Variants in SAXO1 observed in about 807,000 individuals in gnomAD.
The protein encoded by SAXO1 is stabilizer of axonemal microtubules 1.
In SAXO1, 21 loss-of-function variants were observed where a neutral mutation model predicts 17.5. That is an observed-to-expected ratio of 1.20 (90% CI 0.85 to 1.72). The LOEUF (loss-of-function observed/expected upper bound fraction) is 1.72. SAXO1 is among the 40% of genes most tolerant of loss of function. The pLI is 0.00. For missense variants in SAXO1, 843 were observed against 596.0 expected (o/e 1.41, Z -4.32); for synonymous variants, 274 against 216.5 (o/e 1.27, Z -2.33).
At chr9:18,978,680 T>C (rs1392638647) in intron 1 of SAXO1, among the ~76,000 whole-genome samples, 4 of 152,232 alleles carry the variant, frequency 2.6e-5, no homozygotes, top group African/African-American at 4.8e-5. Flanking sequence ...ATGCCCACTG[T>C]GCACCAGGCA....
In SAXO1 at chr9:19,033,008, G is replaced by T. The variant is rs10963921; in HGVS notation, c.-100C>A. ...GTCTTGGGGCACGCCCAGGCTCGAG[G>T]GTCTTGGCAGGTGTTCTGTTTACTC... On this transcript the variant is annotated 5_prime_UTR_variant, in exon 1 of 4. Coordinates refer to ENST00000380534, the MANE Select transcript of SAXO1 (RefSeq NM_153707.4). The T allele has an allele frequency of 0.42, 529,684 of 1,256,766 alleles. 114,353 individuals are homozygous for T. Among genetic ancestry groups the T allele is most frequent in the African/African-American group, 0.65 (42,622 of 66,030 alleles). 77.9% of individuals were successfully genotyped at this position (1,256,766 alleles called of 1,614,324 possible). A position where few individuals can be genotyped will look rare whatever the true frequency, so the allele number is the denominator to read the frequency against.
intron 2 of SAXO1, among the ~76,000 whole-genome samples, chr9:18,944,376 G>T (rs1410596215): frequency 6.6e-6 from 1 of 152,088 alleles, no homozygotes; most frequent in Non-Finnish European, 1.5e-5. Context: ...GTCATTAACC[G>T]CAACATAACT....
chr9:19,016,378 G>C (rs998630305), intron 1 of SAXO1, among the ~76,000 whole-genome samples: 3 of 152,220 alleles, frequency 2.0e-5, no homozygotes, highest in Non-Finnish European at 2.9e-5. Context: ...GGAGGTTGTA[G>C]TGAGCCGAGA....
intron 1 of SAXO1, among the ~76,000 whole-genome samples, chr9:18,996,445 A>G (rs1203316703): frequency 6.6e-6 from 1 of 152,264 alleles, no homozygotes; most frequent in African/African-American, 2.4e-5. Context: ...GTAAGCCTGT[A>G]CAGCATGTGA....
At chr9:18,969,349 G>C (rs975994061) in intron 1 of SAXO1, among the ~76,000 whole-genome samples, 1 of 152,118 alleles carries the variant, frequency 6.6e-6, no homozygotes, top group African/African-American at 2.4e-5. Flanking sequence ...CTCTTGACTG[G>C]AGTTTCACTC....
chr9:19,038,186 G>A (rs1053931879), upstream of SAXO1, among the ~76,000 whole-genome samples: 1 of 152,198 alleles, frequency 6.6e-6, no homozygotes, highest in East Asian at 1.9e-4. Context: ...AACCATTGTG[G>A]AAGGCAGTGT....
intron 3 of SAXO1, among the ~76,000 whole-genome samples, chr9:18,938,269 A>G (rs1394595265): frequency 6.6e-6 from 1 of 152,236 alleles, no homozygotes; most frequent in East Asian, 1.9e-4. Context: ...GCACTGCTAT[A>G]AAGAAATGCC....
At chr9:19,036,344 T>A (rs897218088), upstream of SAXO1, among the ~76,000 whole-genome samples, 2 of 151,874 alleles carry the variant, frequency 1.3e-5, no homozygotes, top group East Asian at 3.9e-4. Context: ...GAAATTTGCA[T>A]AAGTGACAAG....
At chr9:19,020,857 G>C (rs1401361411) in intron 1 of SAXO1, among the ~76,000 whole-genome samples, 1 of 152,166 alleles carries the variant, frequency 6.6e-6, no homozygotes, top group Non-Finnish European at 1.5e-5. Context: ...TGGTGACATT[G>C]TTTTAAGCAG....
chr9:18,960,872 G>C (rs547643894), intron 1 of SAXO1, among the ~76,000 whole-genome samples: 4 of 152,266 alleles, frequency 2.6e-5, no homozygotes, highest in Non-Finnish European at 5.9e-5. Context: ...CTAATCTTTA[G>C]TGGGAAAAAA....
chr9:19,033,229 G>T (rs753547090), upstream of SAXO1: 23 of 314,758 alleles, frequency 7.3e-5, no homozygotes, highest in Non-Finnish European at 1.2e-4. Context: ...GAAGCTGCGG[G>T]GTCCGTGCCC....
chr9:19,013,304 C>T (rs1301865856), intron 1 of SAXO1, among the ~76,000 whole-genome samples: 1 of 152,134 alleles, frequency 6.6e-6, no homozygotes, highest in East Asian at 1.9e-4. Flanking sequence ...GGTAACAAAG[C>T]CAGGCTATAA....
chr9:19,015,003 G>C (rs969932437), intron 1 of SAXO1, among the ~76,000 whole-genome samples: 5 of 152,120 alleles, frequency 3.3e-5, no homozygotes, highest in Non-Finnish European at 7.4e-5. Flanking sequence ...AAAGATGTAA[G>C]GCAAATCAGA....
At chr9:18,966,225 G>A (rs1832711938) in intron 1 of SAXO1, among the ~76,000 whole-genome samples, 1 of 152,102 alleles carries the variant, frequency 6.6e-6, no homozygotes, top group Non-Finnish European at 1.5e-5. Context: ...TCTTGGGGTT[G>A]CTCTTCTTGT....
intron 1 of SAXO1, among the ~76,000 whole-genome samples, chr9:18,953,064 C>T (rs190257445): frequency 6.6e-6 from 1 of 152,302 alleles, no homozygotes; most frequent in Admixed American, 6.5e-5. Context: ...TCAATTTAAG[C>T]CAACTAGTAC....
chr9:19,029,538 G>C lies in SAXO1; in HGVS notation c.38+3333C>G, dbSNP rs368385950. Reference sequence around the variant, plus strand: ...TTAGAAAACACCTATAAAATTCCTCGCTCCATCCCAACCGGTCACTGAGCA... The same window carrying C: ...TTAGAAAACACCTATAAAATTCCTCCCTCCATCCCAACCGGTCACTGAGCA... On this transcript the variant is annotated intron_variant, in intron 1 of 3. Coordinates refer to ENST00000380534, the MANE Select transcript of SAXO1 (RefSeq NM_153707.4). Among the ~76,000 whole-genome samples the C allele has an allele frequency of 2.7e-3, 418 of 152,144 alleles. 7 individuals are homozygous for C. In the South Asian group the frequency reaches 0.033, roughly 12 times the overall value.
chr9:18,966,490 G>T (rs892720274), intron 1 of SAXO1, among the ~76,000 whole-genome samples: 1 of 151,782 alleles, frequency 6.6e-6, no homozygotes, highest in South Asian at 2.1e-4. Context: ...TCATTAAGTT[G>T]ATCTTCAAAC....
At chr9:18,942,757 G>A (rs10811069) in intron 2 of SAXO1, among the ~76,000 whole-genome samples, 73,386 of 152,094 alleles carry the variant, frequency 0.48, 20,534 homozygotes, top group Non-Finnish European at 0.61. Context: ...ACCAGGAACC[G>A]CCCTAAGGAG....
chr9:18,932,017 T>C (rs1831073886), intron 3 of SAXO1, among the ~76,000 whole-genome samples: 1 of 152,242 alleles, frequency 6.6e-6, no homozygotes, highest in Admixed American at 6.5e-5. Flanking sequence ...ACTCTTTTCA[T>C]TTCTTAATGG....
Sources: gnomAD v4.1 joint callset for allele counts (sites outside exome capture counted in the v4.1 genomes callset) on GRCh38, gnomAD v4.1.1 for gene constraint, MANE v1.5 for transcripts, NCBI Gene and HGNC (gene_info 2026-07-23, HGNC 2026-07-21) for gene names.